The following SGCD variants were observed in gnomAD, a reference collection of about 807,000 sequenced individuals.
SGCD encodes the protein delta-sarcoglycan.
In SGCD, 18 loss-of-function variants were observed where a neutral mutation model predicts 36.6. The ratio of observed to expected loss-of-function variants is 0.49; its 90% confidence interval spans 0.34 to 0.73. The LOEUF (loss-of-function observed/expected upper bound fraction) is 0.73. Among genes scored for constraint, SGCD ranks in the 30% least tolerant of loss-of-function variants. SGCD has a pLI of 0.01. For synonymous variants in SGCD, 133 were observed against 130.6 expected (o/e 1.02, Z -0.12); for missense variants, 387 against 346.7 (o/e 1.12, Z -0.92).
intron 1 of SGCD, among the ~76,000 whole-genome samples, chr5:156,103,803 T>G (rs1761580383): frequency 6.6e-6 from 1 of 152,146 alleles, no homozygotes; most frequent in Non-Finnish European, 1.5e-5. Context: ...ACCTGGAAAT[T>G]GGAATATTGT....
At chr5:156,519,402 C>G (rs760582041) in intron 4 of SGCD, among the ~76,000 whole-genome samples, 1 of 151,158 alleles carries the variant, frequency 6.6e-6, no homozygotes, top group Non-Finnish European at 1.5e-5. Context: ...AAAGAAAAAG[C>G]CCAGGACTAG....
intron 3 of SGCD, among the ~76,000 whole-genome samples, chr5:156,213,112 TA>T: frequency 6.6e-6 from 1 of 151,974 alleles, no homozygotes; most frequent in Admixed American, 6.5e-5. Flanking sequence ...AAGAATTAAC[TA>T]AGCTTAAAGT....
chr5:156,039,572 A>G (rs1308168309), intron 1 of SGCD, among the ~76,000 whole-genome samples: 1 of 152,186 alleles, frequency 6.6e-6, no homozygotes, highest in Admixed American at 6.5e-5. Context: ...AAAATAATAA[A>G]CTGAAAACTA....
At chr5:155,957,216 C>T (rs571923892) in intron 1 of SGCD, among the ~76,000 whole-genome samples, 22 of 152,096 alleles carry the variant, frequency 1.4e-4, no homozygotes, top group Admixed American at 1.0e-3. Flanking sequence ...GGGAAGTCTG[C>T]GTAGTGAAGG....
chr5:156,413,521 G>A (rs1048364561), intron 3 of SGCD, among the ~76,000 whole-genome samples: 1 of 152,192 alleles, frequency 6.6e-6, no homozygotes, highest in Non-Finnish European at 1.5e-5. Flanking sequence ...CTGTCGCCCA[G>A]GCTGGAGTGC....
chr5:156,052,575 A>C (rs571062336), intron 1 of SGCD, among the ~76,000 whole-genome samples: 1 of 146,466 alleles, frequency 6.8e-6, no homozygotes, highest in South Asian at 2.2e-4. Flanking sequence ...ACATGTGAAC[A>C]TGGAATATAT....
At chr5:156,449,878 T>C (rs1301107421) in intron 3 of SGCD, among the ~76,000 whole-genome samples, 11 of 149,520 alleles carry the variant, frequency 7.4e-5, no homozygotes, top group African/African-American at 2.7e-4. Context: ...AAAAAGAAAC[T>C]TTTTCGACTT....
At chr5:156,360,155 T>A (rs1402390247) in intron 3 of SGCD, among the ~76,000 whole-genome samples, 1 of 152,108 alleles carries the variant, frequency 6.6e-6, no homozygotes, top group African/African-American at 2.4e-5. Flanking sequence ...AATCCTCAGA[T>A]CAAATTCAGA....
At chr5:156,496,138 A>G (rs920465181) in intron 3 of SGCD, among the ~76,000 whole-genome samples, 3 of 152,162 alleles carry the variant, frequency 2.0e-5, no homozygotes, top group African/African-American at 7.2e-5. Flanking sequence ...CCTGTGCATC[A>G]TAGAATAGAA....
chr5:155,907,626 A>G (rs959138788), intron 1 of SGCD, among the ~76,000 whole-genome samples: 3 of 152,114 alleles, frequency 2.0e-5, no homozygotes, highest in African/African-American at 7.2e-5. Context: ...GAGAACTAGA[A>G]TGAAAAATGT....
chr5:156,023,799 TAG>T (rs1759161399), intron 1 of SGCD, among the ~76,000 whole-genome samples: 1 of 152,104 alleles, frequency 6.6e-6, no homozygotes, highest in Admixed American at 6.6e-5. Context: ...TCTAACAAGC[TAG>T]AGTTTTCACG....
At chr5:156,438,543 A>G (rs1051327408) in intron 3 of SGCD, among the ~76,000 whole-genome samples, 1 of 151,988 alleles carries the variant, frequency 6.6e-6, no homozygotes, top group East Asian at 1.9e-4. Context: ...CTCCACTTCA[A>G]CTCCCACCTT....
At chr5:156,543,578 T>C (rs572129015) in intron 4 of SGCD, among the ~76,000 whole-genome samples, 117 of 152,338 alleles carry the variant, frequency 7.7e-4, no homozygotes, top group Non-Finnish European at 1.4e-3. Context: ...CCACAGCGTC[T>C]GCTCTGCAAA....
chr5:156,349,708 G>A (rs1769136436), intron 3 of SGCD, among the ~76,000 whole-genome samples: 1 of 152,014 alleles, frequency 6.6e-6, no homozygotes, highest in Admixed American at 6.6e-5. Context: ...CATCAAAGTA[G>A]ACCTACCATT....
chr5:156,182,521 G>A (rs1763633821), intron 3 of SGCD, among the ~76,000 whole-genome samples: 1 of 152,118 alleles, frequency 6.6e-6, no homozygotes, highest in African/African-American at 2.4e-5. Flanking sequence ...AGCCCAGTAT[G>A]GGGAGGTGGC....
chr5:155,806,476 T>C, the SGCD span, among the ~76,000 whole-genome samples: 1 of 152,234 alleles, frequency 6.6e-6, no homozygotes, highest in Non-Finnish European at 1.5e-5. Context: ...TCAGTGGAAA[T>C]GCAACTCCTC....
At chr5:155,773,396 T>G in the SGCD span, among the ~76,000 whole-genome samples, 1 of 152,134 alleles carries the variant, frequency 6.6e-6, no homozygotes, top group African/African-American at 2.4e-5. Flanking sequence ...GCCAGGCTGG[T>G]TTTGAACTTC....
intron 1 of SGCD, among the ~76,000 whole-genome samples, chr5:155,935,859 C>A (rs553378501): frequency 1.3e-5 from 2 of 152,160 alleles, no homozygotes; most frequent in Non-Finnish European, 2.9e-5. Context: ...CAAGGGTGAG[C>A]GGAGTTGTCA....
Position 156,649,627 on chromosome 5 carries a change from C to T in SGCD, c.575+2091C>T, listed in dbSNP as rs181807354. Among the ~76,000 whole-genome samples, 105 of 151,114 alleles carry T rather than the reference C, an allele frequency of 6.9e-4. 1 individual carries two copies. The highest frequency in any genetic ancestry group is 2.4e-3 in the African/African-American group (97 of 41,104). On this transcript the variant is annotated intron_variant, in intron 7 of 8. Coordinates refer to ENST00000337851, the MANE Select transcript of SGCD (RefSeq NM_000337.6). ...ATCACAAGGTCAAAAAACCAAACAC[C>T]GCATGTTCTCACTCATAGGTGGGAA...
Sources: allele counts gnomAD v4.1 joint callset (sites outside exome capture counted in the v4.1 genomes callset), GRCh38; gene constraint gnomAD v4.1.1; transcripts MANE v1.5; gene names NCBI Gene and HGNC (gene_info 2026-07-23, HGNC 2026-07-21).